LRMDA: variants seen among roughly 807,000 people sequenced by gnomAD.
LRMDA encodes leucine-rich melanocyte differentiation-associated protein.
A neutral mutation model predicts 29.8 loss-of-function variants in LRMDA; 18 were observed. The ratio of observed to expected loss-of-function variants is 0.60; its 90% CI spans 0.42 to 0.90. The LOEUF (loss-of-function observed/expected upper bound fraction) is 0.90. Among genes scored for constraint, LRMDA ranks in the 40% least tolerant of loss-of-function variants. The pLI is 0.00. For synonymous variants in LRMDA, 125 were observed against 109.4 expected, an observed-to-expected ratio of 1.14 and a Z score of -0.89; for missense variants, 273 against 273.9, an observed-to-expected ratio of 1.00 and a Z score of 0.02.
At chr10:75,549,962 C>T (rs931757306) in intron 2 of LRMDA, among the ~76,000 whole-genome samples, 3 of 152,134 alleles carry the variant, frequency 2.0e-5, no homozygotes, top group African/African-American at 7.2e-5. Context: ...CATGTAGTTG[C>T]ATGTATCACT....
At chr10:75,559,517 G>A (rs1011977262) in intron 2 of LRMDA, among the ~76,000 whole-genome samples, 10 of 151,166 alleles carry the variant, frequency 6.6e-5, no homozygotes, top group African/African-American at 2.4e-4. Flanking sequence ...GTTTTGCTGT[G>A]CAGAAGCTCT....
At chr10:75,748,099 A>AT (rs35277401) in intron 2 of LRMDA, among the ~76,000 whole-genome samples, 4,721 of 149,262 alleles carry the variant, frequency 0.032, 110 homozygotes, top group East Asian at 0.11. Flanking sequence ...TTGTTTAGCT[A>AT]TTTTTTTTTT....
chr10:76,412,453 C>T (rs940904967), intron 6 of LRMDA, among the ~76,000 whole-genome samples: 2 of 152,130 alleles, frequency 1.3e-5, no homozygotes, highest in Non-Finnish European at 2.9e-5. Context: ...TTTTGTAGCA[C>T]ATGCAGTTTG....
intron 2 of LRMDA, among the ~76,000 whole-genome samples, chr10:75,471,427 C>T (rs957798583): frequency 9.2e-5 from 14 of 152,032 alleles, no homozygotes; most frequent in Non-Finnish European, 2.1e-4. Flanking sequence ...TTTTAGCAAC[C>T]CTAAGGGATT....
intron 5 of LRMDA, among the ~76,000 whole-genome samples, chr10:76,267,311 A>T (rs1840018807): frequency 6.6e-6 from 1 of 152,160 alleles, no homozygotes; most frequent in Non-Finnish European, 1.5e-5. Flanking sequence ...TACAACTTTT[A>T]AAATTGTGGT....
intron 5 of LRMDA, among the ~76,000 whole-genome samples, chr10:76,193,491 C>T (rs879908850): frequency 3.9e-5 from 6 of 152,164 alleles, no homozygotes; most frequent in Admixed American, 2.0e-4. Flanking sequence ...GAAAATTCAT[C>T]TGGGGATCCT....
intron 2 of LRMDA, among the ~76,000 whole-genome samples, chr10:75,702,137 C>T (rs1012974247): frequency 6.6e-6 from 1 of 152,128 alleles, no homozygotes; most frequent in Non-Finnish European, 1.5e-5. Flanking sequence ...CTCCCTGCAC[C>T]CTGTTGACTA....
At chr10:76,151,121 G>T (rs982107502) in intron 5 of LRMDA, among the ~76,000 whole-genome samples, 24 of 152,262 alleles carry the variant, frequency 1.6e-4, no homozygotes, top group African/African-American at 5.3e-4. Flanking sequence ...GCTCAAGGGG[G>T]CTCCTCCAAC....
chr10:76,526,336 A>C (rs558513770), intron 6 of LRMDA, among the ~76,000 whole-genome samples: 2 of 152,170 alleles, frequency 1.3e-5, no homozygotes, highest in Non-Finnish European at 2.9e-5. Context: ...TTTCTGTCCT[A>C]CTACCTTTTC....
intron 2 of LRMDA, among the ~76,000 whole-genome samples, chr10:75,618,482 ATT>A (rs1257285991): frequency 2.2e-5 from 3 of 136,300 alleles, no homozygotes; most frequent in South Asian, 2.2e-4. Flanking sequence ...CCATATATAT[ATT>A]AACTATATAT....
intron 2 of LRMDA, among the ~76,000 whole-genome samples, chr10:75,469,300 T>G (rs1844697965): frequency 6.6e-6 from 1 of 151,642 alleles, no homozygotes; most frequent in South Asian, 2.1e-4. Context: ...AAAGAAACAG[T>G]GAGTCACTGG....
At chr10:75,982,875 A>C (rs1043796597) in intron 2 of LRMDA, among the ~76,000 whole-genome samples, 3 of 152,178 alleles carry the variant, frequency 2.0e-5, no homozygotes, top group Non-Finnish European at 4.4e-5. Context: ...TGTTCTAGAC[A>C]GGTCTATTGC....
intron 2 of LRMDA, among the ~76,000 whole-genome samples, chr10:76,026,766 T>C (rs765471276): frequency 2.2e-4 from 34 of 152,222 alleles, no homozygotes; most frequent in African/African-American, 4.8e-4. Context: ...TAAACTATAG[T>C]TATAAAGGAA....
rs552927804 is a variant in LRMDA, at chr10:75,946,515, C to A, written c.132-89493C>A. On this transcript the variant is annotated intron_variant, in intron 2 of 6. Transcript: ENST00000611255. ...ATCCTGAGAAGAATAATGCCAGATT[C>A]ATCTGGCTGCTGGCGTTTGATTTGT... Among the ~76,000 whole-genome samples, 9 of 152,252 alleles carry A rather than the reference C, an allele frequency of 5.9e-5. No individual in the cohort carries two copies. In the South Asian group the frequency reaches 1.9e-3, roughly 32 times the overall value.
chr10:76,450,237 T>A (rs1465359951), intron 6 of LRMDA, among the ~76,000 whole-genome samples: 2 of 152,136 alleles, frequency 1.3e-5, no homozygotes, highest in Non-Finnish European at 2.9e-5. Flanking sequence ...TAGACTTTTC[T>A]AGTCATTGCT....
intron 2 of LRMDA, among the ~76,000 whole-genome samples, chr10:75,978,444 TCCAGC>T (rs1847111230): frequency 6.6e-6 from 1 of 152,258 alleles, no homozygotes; most frequent in Non-Finnish European, 1.5e-5. Context: ...TAAGGAAACT[TCCAGC>T]AAGTCCCACG....
chr10:76,086,185 G>T (rs988891669), intron 5 of LRMDA, among the ~76,000 whole-genome samples: 1 of 152,262 alleles, frequency 6.6e-6, no homozygotes, highest in Admixed American at 6.5e-5. Context: ...TCCTTGCTGG[G>T]GCGCCTGCTA....
intron 2 of LRMDA, among the ~76,000 whole-genome samples, chr10:75,674,501 A>G (rs1424016707): frequency 6.6e-6 from 1 of 151,864 alleles, no homozygotes; most frequent in Non-Finnish European, 1.5e-5. Context: ...TTTTCCTTAG[A>G]AGAGAATATT....
intron 2 of LRMDA, among the ~76,000 whole-genome samples, chr10:75,751,108 G>A (rs2132219433): frequency 6.6e-6 from 1 of 152,372 alleles, no homozygotes; most frequent in South Asian, 2.1e-4. Context: ...GCGGTCAGGA[G>A]CTGGAGACCA....
Sources: allele counts gnomAD v4.1 joint callset (sites outside exome capture counted in the v4.1 genomes callset), GRCh38; gene constraint gnomAD v4.1.1; transcripts MANE v1.5; gene names NCBI Gene and HGNC (gene_info 2026-07-23, HGNC 2026-07-21).